The following RBFOX1 variants were observed in gnomAD, a reference collection of about 807,000 sequenced individuals.
The protein encoded by RBFOX1 is RNA binding fox-1 homolog 1.
In RBFOX1, 8 loss-of-function variants were observed where a neutral mutation model predicts 57.7. That is an observed-to-expected ratio of 0.14 (90% CI 0.08 to 0.25). The LOEUF is 0.25. Ranked by LOEUF, RBFOX1 falls within the 10% of genes least tolerant of loss-of-function variation. The probability of loss-of-function intolerance (pLI) is 1.00; values close to 1 mark genes in which losing one functional copy is unlikely to be tolerated. For synonymous variants in RBFOX1, 326 were observed against 222.4 expected, an observed-to-expected ratio of 1.47 and a Z score of -4.15; for missense variants, 611 against 548.5, an observed-to-expected ratio of 1.11 and a Z score of -1.14.
chr16:5,531,073 C>G (rs893347593), intron 2 of RBFOX1, among the ~76,000 whole-genome samples: 2 of 151,734 alleles, frequency 1.3e-5, no homozygotes, highest in Non-Finnish European at 2.9e-5. Flanking sequence ...TGCAGTAAGC[C>G]GAGATTGCGC....
At chr16:6,305,851 A>G (rs1046618640) in intron 1 of RBFOX1, among the ~76,000 whole-genome samples, 5 of 151,958 alleles carry the variant, frequency 3.3e-5, no homozygotes, top group Admixed American at 6.6e-5. Flanking sequence ...TTCTTCACGT[A>G]TGCACTTGCC....
intron 3 of RBFOX1, among the ~76,000 whole-genome samples, chr16:6,841,841 A>ATAAAAAATTTTTATGC (rs1359156505): frequency 5.3e-5 from 8 of 152,112 alleles, no homozygotes; most frequent in Non-Finnish European, 1.5e-5. Flanking sequence ...ATTTTTTAGC[A>ATAAAAAATTTTTATGC]TAAAAAATTC....
intron 4 of RBFOX1, among the ~76,000 whole-genome samples, chr16:7,150,931 C>T (rs1234867181): frequency 2.0e-5 from 3 of 152,150 alleles, no homozygotes. Flanking sequence ...CCATTAGAAA[C>T]CTTAATTTCT....
intron 3 of RBFOX1, among the ~76,000 whole-genome samples, chr16:5,648,570 C>T (rs2049124179): frequency 6.6e-6 from 1 of 152,120 alleles, no homozygotes; most frequent in African/African-American, 2.4e-5. Context: ...GGATGCTGCT[C>T]TGTGCCCTAT....
rs1315453927 is a variant in RBFOX1, at chr16:5,880,024, C to T, written c.351+12689C>T. The stretch of plus-strand genomic sequence containing the variant: ...TGGATATTCTCTGGGAATTAAATGC[C>T]TGCCATGGTGTGCCAGTGAGGCCCG... On this transcript the variant is annotated intron_variant, in intron 4 of 19. Transcript: ENST00000641259. 1.3e-5 allele frequency among the ~76,000 whole-genome samples: 2 copies of T among 152,190 alleles called. 1 individual carries two copies. The highest frequency in any genetic ancestry group is 4.1e-4 in the South Asian group (2 of 4,826).
intron 1 of RBFOX1, among the ~76,000 whole-genome samples, chr16:5,431,287 C>T (rs965332200): frequency 6.6e-5 from 10 of 152,154 alleles, no homozygotes; most frequent in Non-Finnish European, 1.2e-4. Flanking sequence ...TGTGAAAAAT[C>T]CAGTGTCTAT....
intron 4 of RBFOX1, among the ~76,000 whole-genome samples, chr16:7,185,750 T>C (rs983811332): frequency 8.5e-5 from 13 of 152,222 alleles, no homozygotes; most frequent in African/African-American, 3.1e-4. Context: ...TGTCGAGATA[T>C]TGAATTCCTT....
Position 7,045,830 on chromosome 16 carries a change from G to C in RBFOX1, c.-15-6227G>C, listed in dbSNP as rs183269068. Among the ~76,000 whole-genome samples the C allele has an allele frequency of 2.6e-5, 4 of 151,940 alleles. No individual in the cohort carries two copies. In the East Asian group the frequency reaches 7.8e-4, roughly 30 times the overall value. On this transcript the variant is annotated intron_variant, in intron 3 of 15. Transcript: ENST00000550418. ...TCCACCACGTGTGGCTAATTTTTTT[G>C]TATTTTTAGTAGAGACAGAGTTTTA...
chr16:5,728,714 G>T (rs1399007883), intron 3 of RBFOX1, among the ~76,000 whole-genome samples: 2 of 152,132 alleles, frequency 1.3e-5, no homozygotes, highest in Non-Finnish European at 2.9e-5. Flanking sequence ...CCATGGCTGA[G>T]AGTCTCCTGA....
intron 4 of RBFOX1, among the ~76,000 whole-genome samples, chr16:7,189,732 C>T (rs1019145348): frequency 6.6e-6 from 1 of 152,200 alleles, no homozygotes; most frequent in Non-Finnish European, 1.5e-5. Context: ...TCAGCAGTTC[C>T]CGTGGTTCCC....
At chr16:5,677,155 C>G (rs746955739) in intron 3 of RBFOX1, among the ~76,000 whole-genome samples, 4 of 152,172 alleles carry the variant, frequency 2.6e-5, no homozygotes, top group Non-Finnish European at 5.9e-5. Flanking sequence ...GAACCCAGGC[C>G]TCTGATGTTG....
chr16:6,765,935 A>G (rs2077260002), intron 3 of RBFOX1, among the ~76,000 whole-genome samples: 1 of 152,158 alleles, frequency 6.6e-6, no homozygotes, highest in Non-Finnish European at 1.5e-5. Context: ...AGGTATGAGG[A>G]TGCAAAGGTA....
intron 3 of RBFOX1, among the ~76,000 whole-genome samples, chr16:5,716,571 G>T (rs2051708800): frequency 6.6e-6 from 1 of 152,222 alleles, no homozygotes; most frequent in African/African-American, 2.4e-5. Context: ...TGTGGGCGAG[G>T]TTTGGAGAAA....
chr16:6,999,753 T>C (rs1040735058), intron 3 of RBFOX1, among the ~76,000 whole-genome samples: 3 of 152,172 alleles, frequency 2.0e-5, no homozygotes, highest in African/African-American at 7.2e-5. Context: ...AGAACTGTAT[T>C]GTCATTAATG....
intron 2 of RBFOX1, among the ~76,000 whole-genome samples, chr16:6,495,037 T>C (rs1281413114): frequency 6.6e-6 from 1 of 152,318 alleles, no homozygotes; most frequent in Non-Finnish European, 1.5e-5. Flanking sequence ...TATACAGTCA[T>C]CACCACTTAG....
intron 4 of RBFOX1, among the ~76,000 whole-genome samples, chr16:5,868,745 T>A (rs2057398845): frequency 6.6e-6 from 1 of 152,194 alleles, no homozygotes; most frequent in Non-Finnish European, 1.5e-5. Flanking sequence ...CATGATCTTG[T>A]GACCAGTCAC....
intron 4 of RBFOX1, among the ~76,000 whole-genome samples, chr16:7,198,899 G>T (rs2087513993): frequency 6.6e-6 from 1 of 152,178 alleles, no homozygotes; most frequent in Admixed American, 6.5e-5. Flanking sequence ...CAGGCAATGA[G>T]TTGGCTGCCT....
At chr16:5,779,287 A>G (rs1386213271) in intron 3 of RBFOX1, among the ~76,000 whole-genome samples, 2 of 152,206 alleles carry the variant, frequency 1.3e-5, no homozygotes, top group East Asian at 3.9e-4. Context: ...TTGAATTTAA[A>G]TTGTGAAAAG....
intron 1 of RBFOX1, among the ~76,000 whole-genome samples, chr16:6,251,749 C>G (rs1354119725): frequency 1.3e-5 from 2 of 152,106 alleles, no homozygotes; most frequent in Non-Finnish European, 2.9e-5. Context: ...ACTGATGCTT[C>G]CTCTTCATGC....
Sources: allele counts gnomAD v4.1 joint callset (sites outside exome capture counted in the v4.1 genomes callset), GRCh38; gene constraint gnomAD v4.1.1; transcripts MANE v1.5; gene names NCBI Gene and HGNC (gene_info 2026-07-23, HGNC 2026-07-21).